COL23A1: variants seen among roughly 807,000 people sequenced by gnomAD.
COL23A1 encodes the protein collagen alpha-1(XXIII) chain.
Under a neutral mutation model 99.3 loss-of-function variants are expected in COL23A1, and 97 were observed. The observed-to-expected ratio is 0.98, with a 90% confidence interval of 0.83 to 1.16. COL23A1 has a LOEUF of 1.16. Ranked by LOEUF, COL23A1 falls within the 50% of genes most tolerant of loss-of-function variation. The pLI, the probability that COL23A1 is intolerant of heterozygous loss-of-function variation, is 0.00. For synonymous variants in COL23A1, 320 were observed against 308.2 expected, an observed-to-expected ratio of 1.04 and a Z score of -0.40; for missense variants, 762 against 757.4, an observed-to-expected ratio of 1.01 and a Z score of -0.07.
intron 2 of COL23A1, among the ~76,000 whole-genome samples, chr5:178,315,013 T>C (rs547654960): frequency 3.5e-4 from 54 of 152,302 alleles, no homozygotes; most frequent in African/African-American, 1.2e-3. Context: ...GTGAATTAAA[T>C]GTCTAATTAC....
In COL23A1 at chr5:178,310,977, A is replaced by C. The variant is rs1312310065; in HGVS notation, c.362-4058T>G. 6.6e-6 allele frequency among the ~76,000 whole-genome samples: 1 copy of C among 152,180 alleles called. No homozygotes were observed. Among genetic ancestry groups the C allele is most frequent in the Non-Finnish European group, 1.5e-5 (1 of 68,038 alleles). ...AGGGGAAACTGAGGCTGCAAGGGAT[A>C]GGACAGGTCTTGCCCACGGATGCTG... On this transcript the variant is annotated intron_variant, in intron 2 of 28. Transcript: ENST00000390654. The surrounding 1 kb of genome is among the most constrained non-coding windows in gnomAD (Gnocchi z 4.3).
chr5:178,547,626 A>C (rs1461055293), intron 2 of COL23A1, among the ~76,000 whole-genome samples: 2 of 2,612 alleles, frequency 7.7e-4, no homozygotes, highest in Non-Finnish European at 7.9e-4. Context: ...ACACACACCC[A>C]CCCACACCCC....
At chr5:178,484,922 G>C (rs773749048) in intron 2 of COL23A1, among the ~76,000 whole-genome samples, 1 of 151,994 alleles carries the variant, frequency 6.6e-6, no homozygotes, top group East Asian at 1.9e-4. Flanking sequence ...CAGCATATCG[G>C]AAGTGTCCCT....
chr5:178,398,472 C>G (rs967721712), intron 2 of COL23A1, among the ~76,000 whole-genome samples: 2 of 152,042 alleles, frequency 1.3e-5, no homozygotes, highest in Non-Finnish European at 2.9e-5. Flanking sequence ...ACTAAAAATA[C>G]AAAAATTAGC....
intron 2 of COL23A1, among the ~76,000 whole-genome samples, chr5:178,499,653 T>C (rs1258993969): frequency 1.3e-5 from 2 of 152,256 alleles, no homozygotes; most frequent in African/African-American, 4.8e-5. Flanking sequence ...CAAACTGTCA[T>C]GTCAGTCTCT....
intron 2 of COL23A1, among the ~76,000 whole-genome samples, chr5:178,487,295 T>A (rs965423984): frequency 3.2e-5 from 4 of 123,774 alleles, no homozygotes; most frequent in South Asian, 2.4e-4. Context: ...CAGTTTTATT[T>A]ATTTATTTAT....
intron 2 of COL23A1, among the ~76,000 whole-genome samples, chr5:178,380,731 G>A (rs927127257): frequency 3.9e-5 from 6 of 152,184 alleles, no homozygotes; most frequent in African/African-American, 7.2e-5. Flanking sequence ...GATCACGTCC[G>A]GGGCCAATGT....
Position 178,590,142 on chromosome 5 carries a change from G to C in COL23A1, c.56C>G (p.Ala19Gly). The C allele has an allele frequency of 8.1e-7, 1 of 1,237,716 alleles. No individual in the cohort carries two copies. 76.7% of individuals were successfully genotyped at this position (1,237,716 alleles called of 1,614,324 possible). Reference sequence around the variant, plus strand: ...CGAGCGCCCTCCGCCGCCGCCGCCCGCCGCATTGCCCTTCCCCGCGTCGCC... The same window carrying C: ...CGAGCGCCCTCCGCCGCCGCCGCCCCCCGCATTGCCCTTCCCCGCGTCGCC... Reference protein sequence around the residue: ...GGGDAGKGNAAGGGGGGRSAT... With the variant: ...GGGDAGKGNAGGGGGGGRSAT... The change falls in exon 1 of 29, where the codon GCG becomes GGG. Residue 19 changes from alanine (A) to glycine (G), a missense_variant. Coordinates refer to ENST00000390654, the MANE Select transcript of COL23A1 (RefSeq NM_173465.4). This position sits in a 1 kb window ranked among gnomAD's most constrained non-coding sequence, Gnocchi z 5.7.
intron 2 of COL23A1, among the ~76,000 whole-genome samples, chr5:178,343,997 T>C (rs1274747677): frequency 1.3e-5 from 2 of 152,118 alleles, no homozygotes; most frequent in Non-Finnish European, 2.9e-5. Flanking sequence ...GAACCCAAAT[T>C]TCTCTCTTCT....
chr5:178,589,827 G>GC lies in COL23A1; in HGVS notation c.294+76dup. 8.3e-7 allele frequency: 1 copy of GC among 1,205,664 alleles called. No homozygotes were observed. Among genetic ancestry groups the GC allele is most frequent in the Non-Finnish European group, 1.0e-6 (1 of 962,666 alleles). The allele number at this position is 1,205,664 out of a possible 1,614,324, so 74.7% of individuals were successfully genotyped here. A position where few individuals can be genotyped will look rare whatever the true frequency, so the allele number is the denominator to read the frequency against. ...CCCTCCTCCCAGAGACCTGCACGCT[G>GC]CCCCCGGCTCCCAGCGTACCGCCAC... On this transcript the variant is annotated intron_variant, in intron 1 of 28. Transcript: ENST00000390654. The surrounding 1 kb of genome is among the most constrained non-coding windows in gnomAD (Gnocchi z 5.4).
chr5:178,272,381 G>T (rs1207289727), intron 5 of COL23A1, among the ~76,000 whole-genome samples: 1 of 152,214 alleles, frequency 6.6e-6, no homozygotes, highest in Non-Finnish European at 1.5e-5. Flanking sequence ...GGGGCTCGCG[G>T]CCAGGGCCTT....
intron 5 of COL23A1, among the ~76,000 whole-genome samples, chr5:178,283,136 T>C (rs1561823183): frequency 6.6e-6 from 1 of 152,170 alleles, no homozygotes; most frequent in African/African-American, 2.4e-5. Context: ...TCCATCCGCC[T>C]TGGCCTCCAA....
At chr5:178,298,702 CA>C (rs1757877140) in intron 3 of COL23A1, among the ~76,000 whole-genome samples, 1 of 152,234 alleles carries the variant, frequency 6.6e-6, no homozygotes, top group African/African-American at 2.4e-5. Flanking sequence ...CTCTCAGAAG[CA>C]TGAACCCATC....
intron 3 of COL23A1, among the ~76,000 whole-genome samples, chr5:178,305,754 G>T (rs1036555212): frequency 1.3e-5 from 2 of 152,148 alleles, no homozygotes; most frequent in Non-Finnish European, 2.9e-5. Flanking sequence ...GGGACATGGC[G>T]TGGGGGGTGA....
At chr5:178,450,100 C>T (rs894500403) in intron 2 of COL23A1, among the ~76,000 whole-genome samples, 16 of 152,154 alleles carry the variant, frequency 1.1e-4, no homozygotes, top group South Asian at 2.1e-4. Context: ...GTGGGAATTA[C>T]ATACCCTCAC....
intron 11 of COL23A1, among the ~76,000 whole-genome samples, chr5:178,260,751 G>A (rs549781556): frequency 6.6e-6 from 1 of 152,274 alleles, no homozygotes; most frequent in East Asian, 1.9e-4. Context: ...CTGAGATTGT[G>A]CCATTGCACT....
intron 26 of COL23A1, 98 bp from the exon 27 acceptor site, chr5:178,242,226 G>T: frequency 6.8e-7 from 1 of 1,461,814 alleles, no homozygotes; most frequent in Non-Finnish European, 9.4e-7. Context: ...GCCTCCCCCT[G>T]CCTCCGCCCA....
At chr5:178,569,977 A>C (rs1763007477) in intron 1 of COL23A1, among the ~76,000 whole-genome samples, 1 of 152,198 alleles carries the variant, frequency 6.6e-6, no homozygotes, top group Non-Finnish European at 1.5e-5. Context: ...AATCATAGGA[A>C]GATAGCCCAT....
intron 1 of COL23A1, among the ~76,000 whole-genome samples, chr5:178,575,097 G>A (rs1763282317): frequency 6.6e-6 from 1 of 152,198 alleles, no homozygotes; most frequent in Admixed American, 6.5e-5. Context: ...GAGCCAGGCT[G>A]TTCATTTGGT....
Sources: gnomAD v4.1 joint callset for allele counts (sites outside exome capture counted in the v4.1 genomes callset) on GRCh38, gnomAD v4.1.1 for gene constraint, Gnocchi (gnomAD v3.1) non-coding constraint, MANE v1.5 for transcripts, NCBI Gene and HGNC (gene_info 2026-07-23, HGNC 2026-07-21) for gene names.